Variants in PTCD2 observed in about 807,000 individuals in gnomAD.
PTCD2 encodes the protein pentatricopeptide repeat-containing protein 2, mitochondrial.
Under a neutral mutation model 42.6 loss-of-function variants are expected in PTCD2, and 31 were observed. The observed-to-expected ratio is 0.73, with a 90% CI of 0.55 to 0.98. The LOEUF (loss-of-function observed/expected upper bound fraction) is 0.98, where lower values mean the gene tolerates loss of function less well. Ranked by LOEUF, PTCD2 falls within the 50% of genes least tolerant of loss-of-function variation. The probability of loss-of-function intolerance (pLI) is 0.00; values close to 1 mark genes in which losing one functional copy is unlikely to be tolerated. For synonymous variants in PTCD2, 183 were observed against 170.9 expected (o/e 1.07, Z -0.55); for missense variants, 476 against 454.8 (o/e 1.05, Z -0.42).
intron 8 of PTCD2, among the ~76,000 whole-genome samples, chr5:72,350,516 A>G (rs73102447): frequency 0.012 from 1,874 of 152,310 alleles, 35 homozygotes; most frequent in African/African-American, 0.043. Context: ...GTTGTCCACA[A>G]ACATCCTTGA....
rs571869849 is a variant in PTCD2, at chr5:72,333,885, G to C, written c.469-1133G>C. On this transcript the variant is annotated intron_variant, in intron 4 of 9. Coordinates refer to ENST00000380639, the MANE Select transcript of PTCD2 (RefSeq NM_024754.5). ...GGGTTTTTTTTGGATACAGGGTCTT[G>C]CTCCGTCACCTAAGCGGGAATACAG... Among the ~76,000 whole-genome samples, 7 of 152,030 alleles carry C rather than the reference G, an allele frequency of 4.6e-5. No individual in the cohort carries two copies. The East Asian group carries it at 1.3e-3, about 29-fold the overall frequency.
At chr5:72,356,398 G>T (rs1052580824) in intron 9 of PTCD2, among the ~76,000 whole-genome samples, 1 of 152,236 alleles carries the variant, frequency 6.6e-6, no homozygotes, top group Non-Finnish European at 1.5e-5. Context: ...TCAAGGAACA[G>T]CTTGATGAGA....
intron 4 of PTCD2, among the ~76,000 whole-genome samples, chr5:72,334,550 CT>C (rs66665974): frequency 0.67 from 97,373 of 146,364 alleles, 32,940 homozygotes; most frequent in African/African-American, 0.83. Context: ...TAACTTTTTT[CT>C]TTTTTTTTTT....
At position 72,359,200 on chromosome 5, in the gene PTCD2, C is replaced by G. The variant is rs547109767; in HGVS notation, c.*773C>G. 197 of 152,154 alleles carry G rather than the reference C, an allele frequency of 1.3e-3. No homozygotes were observed. The highest frequency in any genetic ancestry group is 4.6e-3 in the African/African-American group (191 of 41,494). The allele number at this position is 152,154 out of a possible 1,614,324, so 9.4% of individuals were successfully genotyped here. On this transcript the variant is annotated 3_prime_UTR_variant, in exon 10 of 10. Transcript: ENST00000380639. The stretch of plus-strand genomic sequence containing the variant: ...TAAAAACCACATAATGCTTTGGTTT[C>G]TATGTGGATAATAAATATTTAGTCC...
At chr5:72,336,770 A>C (rs1039132064) in intron 6 of PTCD2, among the ~76,000 whole-genome samples, 1 of 151,972 alleles carries the variant, frequency 6.6e-6, no homozygotes, top group Non-Finnish European at 1.5e-5. Context: ...TTTCTTGCCC[A>C]TAGAAACTCT....
chr5:72,338,325 C>T (rs892579718), intron 6 of PTCD2, among the ~76,000 whole-genome samples: 2 of 152,176 alleles, frequency 1.3e-5, no homozygotes, highest in African/African-American at 4.8e-5. Context: ...GGGTCTTTGT[C>T]TAGAAACTAG....
At chr5:72,343,083 A>G in intron 8 of PTCD2, 47 bp downstream of exon 8, 1 of 1,013,744 alleles carries the variant, frequency 9.9e-7, no homozygotes, top group South Asian at 2.0e-5. Flanking sequence ...AATGTATTAT[A>G]ATAAATGTAT....
rs1017319234 is a variant in PTCD2, at chr5:72,338,603, C to T, written c.640-19C>T. The T allele has an allele frequency of 1.5e-6, 2 of 1,309,136 alleles. No homozygotes were observed. Among genetic ancestry groups the T allele is most frequent in the Non-Finnish European group, 2.2e-6 (2 of 916,160 alleles). 81.1% of individuals were successfully genotyped at this position (1,309,136 alleles called of 1,614,324 possible). A position where few individuals can be genotyped will look rare whatever the true frequency, so the allele number is the denominator to read the frequency against. The stretch of plus-strand genomic sequence containing the variant: ...TTAAAGGTTTATAACATTAATCGAA[C>T]AATCCTGTCTCCTCACAGAATAGCC... On this transcript the variant is annotated intron_variant, in intron 6 of 9. Transcript: ENST00000380639.
intron 2 of PTCD2, among the ~76,000 whole-genome samples, chr5:72,326,404 T>C (rs943695370): frequency 6.6e-6 from 1 of 152,208 alleles, no homozygotes; most frequent in Non-Finnish European, 1.5e-5. Context: ...CCTGGCCCTG[T>C]GCCCATGTCC....
rs1389258559 is a variant in PTCD2, at chr5:72,367,835, T to G, written c.*9408T>G. 1 of 152,224 alleles carries G rather than the reference T, an allele frequency of 6.6e-6. No homozygotes were observed. Among genetic ancestry groups the G allele is most frequent in the Non-Finnish European group, 1.5e-5 (1 of 68,058 alleles). 9.4% of individuals were successfully genotyped at this position (152,224 alleles called of 1,614,324 possible). A position where few individuals can be genotyped will look rare whatever the true frequency, so the allele number is the denominator to read the frequency against. ...TATCACCCAGGCACAACGCCCACTT[T>G]GCAAGTAAATAATCAGTAGCATGAA... On this transcript the variant is annotated 3_prime_UTR_variant, in exon 10 of 10. Coordinates refer to ENST00000380639, the MANE Select transcript of PTCD2 (RefSeq NM_024754.5).
chr5:72,360,759 A>G lies in PTCD2; in HGVS notation c.*2332A>G, dbSNP rs993095687. 3 of 150,868 alleles carry G rather than the reference A, an allele frequency of 2.0e-5. No individual in the cohort carries two copies. In the South Asian group the frequency reaches 6.3e-4, roughly 31 times the overall value. 9.3% of individuals were successfully genotyped at this position (150,868 alleles called of 1,614,324 possible). On this transcript the variant is annotated 3_prime_UTR_variant, in exon 10 of 10. Transcript: ENST00000380639. ...GAGTGCAGTGGTGTGATCTCAGCTC[A>G]CTGCAACTTCTGCCTCCTGGGTTCA... is the stretch of plus-strand genomic sequence containing the variant.
At chr5:72,337,983 G>A (rs1475261905) in intron 6 of PTCD2, among the ~76,000 whole-genome samples, 3 of 152,134 alleles carry the variant, frequency 2.0e-5, no homozygotes, top group Non-Finnish European at 4.4e-5. Context: ...TATTTTGACA[G>A]GAGTTGCAAC....
At chr5:72,352,809 A>G in intron 9 of PTCD2, 55 bp downstream of exon 9, 2 of 884,930 alleles carry the variant, frequency 2.3e-6, no homozygotes, top group Non-Finnish European at 3.6e-6. Flanking sequence ...ACTCTTAAAA[A>G]TGTCCACTAA....
chr5:72,343,481 C>T (rs1478291980), intron 8 of PTCD2, among the ~76,000 whole-genome samples: 2 of 152,144 alleles, frequency 1.3e-5, no homozygotes, highest in Non-Finnish European at 2.9e-5. Flanking sequence ...TTATGGTACA[C>T]AAAATAGTGC....
chr5:72,364,773 G>C lies in PTCD2; in HGVS notation c.*6346G>C, dbSNP rs1441247333. 1 of 152,156 alleles carries C rather than the reference G, an allele frequency of 6.6e-6. No individual in the cohort carries two copies. The highest frequency in any genetic ancestry group is 2.4e-5 in the African/African-American group (1 of 41,422). The allele number at this position is 152,156 out of a possible 1,614,324, so 9.4% of individuals were successfully genotyped here. A position where few individuals can be genotyped will look rare whatever the true frequency, so the allele number is the denominator to read the frequency against. ...TGACTTGCCTGTGCGGGGGTCCTGG[G>C]TTGGCCAGTGCATTCATGTACTGGA... On this transcript the variant is annotated 3_prime_UTR_variant, in exon 10 of 10. Coordinates refer to ENST00000380639, the MANE Select transcript of PTCD2 (RefSeq NM_024754.5).
intron 6 of PTCD2, among the ~76,000 whole-genome samples, chr5:72,337,032 T>G (rs1444414206): frequency 6.6e-6 from 1 of 152,066 alleles, no homozygotes; most frequent in African/African-American, 2.4e-5. Flanking sequence ...AAGTGGAAAT[T>G]GAGAAACTTG....
chr5:72,329,128 C>T (rs1317055641), intron 3 of PTCD2, among the ~76,000 whole-genome samples: 2 of 152,192 alleles, frequency 1.3e-5, no homozygotes, highest in African/African-American at 4.8e-5. Flanking sequence ...ATATCCTGAA[C>T]ACTCTTTCTA....
Position 72,358,514 on chromosome 5 carries a change from C to A in PTCD2, c.*87C>A. On this transcript the variant is annotated 3_prime_UTR_variant, in exon 10 of 10. Transcript: ENST00000380639. Reference sequence around the variant, plus strand: ...TAAGAAGCCAGGTATCGCACTTCAGCAGACAGTGTGCTGACACTTGGTCTT... The same window carrying A: ...TAAGAAGCCAGGTATCGCACTTCAGAAGACAGTGTGCTGACACTTGGTCTT... The A allele has an allele frequency of 1.1e-6, 1 of 922,622 alleles. No individual in the cohort carries two copies. Among genetic ancestry groups the A allele is most frequent in the Non-Finnish European group, 1.7e-6 (1 of 586,602 alleles). The allele number at this position is 922,622 out of a possible 1,614,324, so 57.2% of individuals were successfully genotyped here. A position where few individuals can be genotyped will look rare whatever the true frequency, so the allele number is the denominator to read the frequency against.
chr5:72,335,293 C>CA (rs1751672626), intron 5 of PTCD2, among the ~76,000 whole-genome samples, 197 bp downstream of exon 5: 1 of 151,654 alleles, frequency 6.6e-6, no homozygotes, highest in Admixed American at 6.6e-5. Context: ...ACTAAAAATA[C>CA]AAAAAATTAG....
Sources: allele counts gnomAD v4.1 joint callset (sites outside exome capture counted in the v4.1 genomes callset), GRCh38; gene constraint gnomAD v4.1.1; transcripts MANE v1.5; gene names NCBI Gene and HGNC (gene_info 2026-07-23, HGNC 2026-07-21).